Variants in PDE5A observed in about 807,000 individuals in gnomAD.
The protein encoded by PDE5A is phosphodiesterase 5A.
In PDE5A, 67 loss-of-function variants were observed where a neutral mutation model predicts 110.2. The ratio of observed to expected loss-of-function variants is 0.61; its 90% confidence interval spans 0.50 to 0.75. PDE5A has a LOEUF of 0.75. Among genes scored for constraint, PDE5A ranks in the 30% least tolerant of loss-of-function variants. The pLI is 0.00. For missense variants in PDE5A, 862 were observed against 1,045.1 expected, an observed-to-expected ratio of 0.82 and a Z score of 2.42; for synonymous variants, 328 against 351.2, an observed-to-expected ratio of 0.93 and a Z score of 0.74.
chr4:119,543,322 T>C (rs1727013637), intron 9 of PDE5A: 1 of 152,162 alleles, frequency 6.6e-6, no homozygotes, highest in African/African-American at 2.4e-5. Flanking sequence ...TTTCTGAGCC[T>C]AGTGGTCTCT....
At chr4:119,531,235 A>T (rs1726527183) in intron 11 of PDE5A, among the ~76,000 whole-genome samples, 1 of 152,006 alleles carries the variant, frequency 6.6e-6, no homozygotes, top group East Asian at 1.9e-4. Context: ...CTTTCCACCT[A>T]CCTAATTCAA....
At chr4:119,558,606 C>T (rs908830292) in intron 7 of PDE5A, among the ~76,000 whole-genome samples, 6 of 152,066 alleles carry the variant, frequency 3.9e-5, no homozygotes, top group Non-Finnish European at 7.4e-5. Context: ...CATTACTAAA[C>T]ACCATTTTAA....
chr4:119,518,608 A>G (rs1725999544), intron 14 of PDE5A, among the ~76,000 whole-genome samples: 1 of 152,248 alleles, frequency 6.6e-6, no homozygotes, highest in Non-Finnish European at 1.5e-5. Context: ...ACAGAGGACC[A>G]GTTTTCCAAC....
intron 14 of PDE5A, among the ~76,000 whole-genome samples, chr4:119,515,479 A>C (rs972138709): frequency 6.6e-6 from 1 of 152,154 alleles, no homozygotes; most frequent in Admixed American, 6.5e-5. Flanking sequence ...ACCTTGAAAA[A>C]AACACATTCG....
At chr4:119,542,106 G>A (rs899880957) in intron 10 of PDE5A, 4 of 179,380 alleles carry the variant, frequency 2.2e-5, no homozygotes, top group East Asian at 2.9e-4. Context: ...CTGTTCTCAC[G>A]GAAAGATGGG....
intron 3 of PDE5A, among the ~76,000 whole-genome samples, chr4:119,585,973 C>G (rs977933721): frequency 1.3e-5 from 2 of 152,162 alleles, no homozygotes; most frequent in Admixed American, 1.3e-4. Flanking sequence ...GATGATCAAG[C>G]ATAAGTCATG....
At chr4:119,566,069 T>C (rs1010517050) in intron 4 of PDE5A, among the ~76,000 whole-genome samples, 1 of 151,662 alleles carries the variant, frequency 6.6e-6, no homozygotes, top group African/African-American at 2.4e-5. Flanking sequence ...TTCAAATCAA[T>C]TCAAGAGGGA....
At chr4:119,574,477 G>A (rs1728258406) in intron 3 of PDE5A, among the ~76,000 whole-genome samples, 1 of 151,978 alleles carries the variant, frequency 6.6e-6, no homozygotes. Context: ...CACCGCGCCT[G>A]GCCAAAATAT....
chr4:119,517,553 A>C (rs1725955241), intron 14 of PDE5A, among the ~76,000 whole-genome samples: 1 of 151,338 alleles, frequency 6.6e-6, no homozygotes, highest in African/African-American at 2.4e-5. Context: ...TGTGAAAGCA[A>C]GATTCTGCAG....
rs1319923035 is a variant in PDE5A, at chr4:119,511,071, C to G, written c.2064G>C (p.Gln688His). The change falls in exon 15 of 21, where the codon CAG (glutamine) becomes CAC (histidine). Residue 688 changes from glutamine (Q) to histidine (H), a missense_variant. By Grantham distance (24) the Gln-to-His change is conservative. Transcript: ENST00000354960. ...HSIMEHHHFDQCLMILNSPGN... is the reference protein window; with the variant it reads ...HSIMEHHHFDHCLMILNSPGN... ...CTGGACTATTAAGAATCATCAGGCA[C>G]TGGTCAAAATGATGGTGTTCCATGA... The G allele has an allele frequency of 1.9e-6, 3 of 1,606,526 alleles. No individual in the cohort carries two copies. The highest frequency in any genetic ancestry group is 1.1e-5 in the South Asian group (1 of 90,668).
chr4:119,555,604 AATG>A (rs904110246), intron 7 of PDE5A, among the ~76,000 whole-genome samples: 29 of 152,126 alleles, frequency 1.9e-4, no homozygotes, highest in Admixed American at 1.9e-3. Flanking sequence ...TCTCTTTTAA[AATG>A]ATAATTATCA....
At chr4:119,502,718 C>A in intron 18 of PDE5A, 63 bp from the exon 19 acceptor site, 2 of 1,078,422 alleles carry the variant, frequency 1.9e-6, no homozygotes, top group South Asian at 2.6e-5. Context: ...AAACAGAGAC[C>A]GTGAATGAAG....
At chr4:119,555,047 T>G (rs1727490030) in intron 7 of PDE5A, among the ~76,000 whole-genome samples, 1 of 152,216 alleles carries the variant, frequency 6.6e-6, no homozygotes, top group African/African-American at 2.4e-5. Context: ...CCACCCAACC[T>G]GACCCAGCTG....
At chr4:119,543,250 A>G (rs1017108071) in intron 9 of PDE5A, 20 of 152,304 alleles carry the variant, frequency 1.3e-4, no homozygotes, top group African/African-American at 4.6e-4. Context: ...TTAAACACGT[A>G]GTCAATAAAA....
At chr4:119,592,403 A>G (rs569550114) in intron 3 of PDE5A, among the ~76,000 whole-genome samples, 9 of 136,252 alleles carry the variant, frequency 6.6e-5, no homozygotes, top group African/African-American at 2.5e-4. Context: ...GGCTGCAGTG[A>G]GCCGAGATCG....
At chr4:119,570,662 GCAGCTGC>G (rs1728108474) in intron 3 of PDE5A, among the ~76,000 whole-genome samples, 1 of 152,116 alleles carries the variant, frequency 6.6e-6, no homozygotes, top group South Asian at 2.1e-4. Context: ...TCTTCAATAA[GCAGCTGC>G]CCCAGACATT....
chr4:119,538,351 A>G (rs1398687604), intron 11 of PDE5A, among the ~76,000 whole-genome samples: 3 of 152,160 alleles, frequency 2.0e-5, no homozygotes, highest in Non-Finnish European at 4.4e-5. Context: ...GTCATCGCAA[A>G]TACATTTAAA....
chr4:119,548,438 G>T (rs1158092884), intron 9 of PDE5A: 3 of 152,156 alleles, frequency 2.0e-5, no homozygotes, highest in Non-Finnish European at 4.4e-5. Flanking sequence ...TTTCCTCTAT[G>T]AGTTTTAATT....
rs755548074 is a variant in PDE5A, at chr4:119,562,882, A to C, written c.1082T>G (p.Phe361Cys). The change falls in exon 6 of 21, where the codon TTC becomes TGC. Residue 361 changes from phenylalanine to cysteine, a missense_variant. Phe to Cys is a radical substitution (Grantham distance 205). Transcript: ENST00000354960. ...LKKIAATIIS[F>C]MQVQKCTIFI... ...AATGGTGCATTTCTGCACTTGCATG[A>C]AAGAGATAATAGTGGCAGCTATTTT... The C allele has an allele frequency of 6.3e-7, 1 of 1,597,892 alleles. No homozygotes were observed. Among genetic ancestry groups the C allele is most frequent in the Non-Finnish European group, 8.5e-7 (1 of 1,173,636 alleles).
Sources: allele counts gnomAD v4.1 joint callset (sites outside exome capture counted in the v4.1 genomes callset), GRCh38; gene constraint gnomAD v4.1.1; transcripts MANE v1.5; gene names NCBI Gene and HGNC (gene_info 2026-07-23, HGNC 2026-07-21).